Variants in WDR12 observed in about 807,000 individuals in gnomAD.
The protein encoded by WDR12 is ribosome biogenesis protein WDR12.
Under a neutral mutation model 64.3 loss-of-function variants are expected in WDR12, and 42 were observed. The observed-to-expected ratio is 0.65, with a 90% CI of 0.51 to 0.84. The LOEUF (loss-of-function observed/expected upper bound fraction) is 0.84. Ranked by LOEUF, WDR12 falls within the 40% of genes least tolerant of loss-of-function variation. The probability of loss-of-function intolerance (pLI) is 0.00; values close to 1 mark genes in which losing one functional copy is unlikely to be tolerated. For missense variants in WDR12, 469 were observed against 494.6 expected (o/e 0.95, Z 0.49); for synonymous variants, 158 against 173.3 (o/e 0.91, Z 0.70).
At chr2:202,894,681 G>C in intron 6 of WDR12, 55 bp from the exon 7 acceptor site, 1 of 1,429,382 alleles carries the variant, frequency 7.0e-7, no homozygotes, top group Non-Finnish European at 9.6e-7. Context: ...CATATTATTT[G>C]CCTACAACAG....
chr2:202,910,110 C>T (rs1688539987), intron 1 of WDR12, among the ~76,000 whole-genome samples: 1 of 152,120 alleles, frequency 6.6e-6, no homozygotes, highest in Non-Finnish European at 1.5e-5. Context: ...ATTTTAATTT[C>T]TACATTTTTT....
At chr2:202,885,229 G>A (rs1353471090) in intron 8 of WDR12, among the ~76,000 whole-genome samples, 1 of 152,184 alleles carries the variant, frequency 6.6e-6, no homozygotes, top group Non-Finnish European at 1.5e-5. Context: ...TGAGCCTTGG[G>A]GGACTGGCTC....
At chr2:202,904,365 A>G (rs1321993653) in intron 2 of WDR12, among the ~76,000 whole-genome samples, 1 of 152,142 alleles carries the variant, frequency 6.6e-6, no homozygotes, top group Admixed American at 6.5e-5. Context: ...TGGAACCACA[A>G]AAGAACCAGA....
intron 8 of WDR12, among the ~76,000 whole-genome samples, chr2:202,892,080 A>G (rs1688166397): frequency 6.6e-6 from 1 of 152,240 alleles, no homozygotes; most frequent in African/African-American, 2.4e-5. Flanking sequence ...GTACACGTTG[A>G]ATATGTTCAA....
At chr2:202,891,954 G>A (rs72934762) in intron 8 of WDR12, among the ~76,000 whole-genome samples, 13,551 of 152,164 alleles carry the variant, frequency 0.089, 744 homozygotes, top group Non-Finnish European at 0.13. Flanking sequence ...ACAAACTTTC[G>A]GTTATAAGAT....
At chr2:202,909,415 A>C (rs564927472) in intron 1 of WDR12, among the ~76,000 whole-genome samples, 2 of 152,332 alleles carry the variant, frequency 1.3e-5, no homozygotes, top group Non-Finnish European at 2.9e-5. Flanking sequence ...AATCATAGTA[A>C]GTGAAAGAAG....
Position 202,911,596 on chromosome 2 carries a change from A to T in WDR12, c.-120T>A. On this transcript the variant is annotated 5_prime_UTR_variant, in exon 1 of 13. Transcript: ENST00000261015. ...CAAAATTAGACTGCACAGGTAAGCG[A>T]GGAACTGCAGTCTAAGCCTGGACTC... 1.1e-6 allele frequency: 1 copy of T among 896,056 alleles called. No individual in the cohort carries two copies. The highest frequency in any genetic ancestry group is 1.9e-6 in the Non-Finnish European group (1 of 538,234). The allele number at this position is 896,056 out of a possible 1,614,324, so 55.5% of individuals were successfully genotyped here.
At chr2:202,909,855 C>T (rs1688535704) in intron 1 of WDR12, among the ~76,000 whole-genome samples, 2 of 151,946 alleles carry the variant, frequency 1.3e-5, no homozygotes, top group African/African-American at 4.8e-5. Flanking sequence ...AGTGCAGTTG[C>T]ATTGATCCTG....
At chr2:202,899,266 G>A (rs1013765095) in intron 4 of WDR12, among the ~76,000 whole-genome samples, 1 of 151,562 alleles carries the variant, frequency 6.6e-6, no homozygotes, top group Non-Finnish European at 1.5e-5. Flanking sequence ...GGATGGTCTC[G>A]ATCTCCCAAC....
Position 202,902,755 on chromosome 2 carries a change from G to A in WDR12, c.137-1636C>T, listed in dbSNP as rs188260857. ...CTCCTTGCTCCTCATCTTGCAGACA[G>A]CCTATCGTAGGACTTCATCTTGTGA... On this transcript the variant is annotated intron_variant, in intron 2 of 12. Coordinates refer to ENST00000261015, the MANE Select transcript of WDR12 (RefSeq NM_018256.4). 2.2e-4 allele frequency among the ~76,000 whole-genome samples: 33 copies of A among 152,256 alleles called. 1 individual carries two copies. The East Asian group carries it at 5.0e-3, about 23-fold the overall frequency.
chr2:202,887,603 G>A (rs1436604174), intron 8 of WDR12, among the ~76,000 whole-genome samples: 2 of 152,112 alleles, frequency 1.3e-5, no homozygotes, highest in East Asian at 3.9e-4. Context: ...AAAATGACAT[G>A]GTAGGCCGGG....
chr2:202,903,198 A>C (rs1406067760), intron 2 of WDR12, among the ~76,000 whole-genome samples: 1 of 152,260 alleles, frequency 6.6e-6, no homozygotes, highest in East Asian at 1.9e-4. Context: ...CAAAAAGCAT[A>C]TGATCATTTC....
rs182859932 is a variant in WDR12, at chr2:202,903,909, G to A, written c.137-2790C>T. ...TCCCAGAACTTTGGGAGGCTGAGAC[G>A]GGTGGATCACCTGAGGTCAGGAGCT... On this transcript the variant is annotated intron_variant, in intron 2 of 12. Transcript: ENST00000261015. Among the ~76,000 whole-genome samples the A allele has an allele frequency of 3.8e-3, 585 of 152,038 alleles. 12 individuals carry two copies. The highest frequency in any genetic ancestry group is 1.9e-3 in the Non-Finnish European group (126 of 67,980).
Position 202,896,144 on chromosome 2 carries a change from T to G in WDR12, c.530A>C (p.Asn177Thr). Residue 177 changes from asparagine to threonine, a missense_variant, in exon 6 of 13, where the codon AAC becomes ACC. Asn to Thr is a moderately conservative substitution (Grantham distance 65). Transcript: ENST00000261015. ...ILLWEWNVER[N>T]KVKALHCCRG... is the part of the protein sequence containing the mutation. ...ACAGCAGTGTAGGGCTTTCACTTTGTTTCTCTCTACATTCCACTCCCATAA... is the reference window on the plus strand; with the variant it reads ...ACAGCAGTGTAGGGCTTTCACTTTGGTTCTCTCTACATTCCACTCCCATAA... 6.2e-7 allele frequency: 1 copy of G among 1,614,114 alleles called. No homozygotes were observed. Among genetic ancestry groups the G allele is most frequent in the Non-Finnish European group, 8.5e-7 (1 of 1,179,990 alleles).
chr2:202,907,831 G>A, intron 2 of WDR12, 34 bp downstream of exon 2: 1 of 1,519,276 alleles, frequency 6.6e-7, no homozygotes, highest in Non-Finnish European at 9.1e-7. Flanking sequence ...AATAATTAGG[G>A]ACACTGTGCC....
At chr2:202,898,673 A>G (rs1281789524) in intron 4 of WDR12, among the ~76,000 whole-genome samples, 1 of 152,206 alleles carries the variant, frequency 6.6e-6, no homozygotes, top group Non-Finnish European at 1.5e-5. Context: ...TTCTAGCCCT[A>G]AAATAGTATG....
At chr2:202,908,063 T>C in intron 1 of WDR12, 104 bp from the exon 2 acceptor site, 1 of 1,040,312 alleles carries the variant, frequency 9.6e-7, no homozygotes, top group Non-Finnish European at 1.5e-6. Flanking sequence ...ATGCCAGACA[T>C]CCAGACATTT....
At chr2:202,886,912 T>G (rs1472914081) in intron 8 of WDR12, among the ~76,000 whole-genome samples, 1 of 152,110 alleles carries the variant, frequency 6.6e-6, no homozygotes, top group Non-Finnish European at 1.5e-5. Context: ...GAAAGCAAAC[T>G]TTTTCAGTAA....
chr2:202,908,500 C>G (rs1265804868), intron 1 of WDR12, among the ~76,000 whole-genome samples: 1 of 152,138 alleles, frequency 6.6e-6, no homozygotes, highest in Non-Finnish European at 1.5e-5. Context: ...GAAGGGTAGG[C>G]TGGAAGAAGC....
Sources: allele counts gnomAD v4.1 joint callset (sites outside exome capture counted in the v4.1 genomes callset), GRCh38; gene constraint gnomAD v4.1.1; transcripts MANE v1.5; gene names NCBI Gene and HGNC (gene_info 2026-07-23, HGNC 2026-07-21).